PRPF6: variants seen among roughly 807,000 people sequenced by gnomAD.
PRPF6 encodes the protein pre-mRNA-processing factor 6.
Under a neutral mutation model 118.3 loss-of-function variants are expected in PRPF6, and 42 were observed. That is an observed-to-expected ratio of 0.35 (90% CI 0.28 to 0.46). The LOEUF (loss-of-function observed/expected upper bound fraction) is 0.46, where lower values mean the gene tolerates loss of function less well. Ranked by LOEUF, PRPF6 falls within the 20% of genes least tolerant of loss-of-function variation. The probability of loss-of-function intolerance (pLI) is 1.00; values close to 1 mark genes in which losing one functional copy is unlikely to be tolerated. For synonymous variants in PRPF6, 481 were observed against 485.1 expected (o/e 0.99, Z 0.11); for missense variants, 662 against 1,255.7 (o/e 0.53, Z 7.15).
intron 19 of PRPF6, among the ~76,000 whole-genome samples, chr20:64,031,215 C>A (rs375760528): frequency 6.6e-6 from 1 of 152,192 alleles, no homozygotes; most frequent in South Asian, 2.1e-4. Context: ...TGCTGGAGGC[C>A]GGGTGGGGCA....
intron 11 of PRPF6, among the ~76,000 whole-genome samples, chr20:64,013,416 TTTCC>T (rs778170198): frequency 1.1e-4 from 17 of 152,114 alleles, no homozygotes; most frequent in Admixed American, 7.2e-4. Flanking sequence ...TTTGTCTTTC[TTTCC>T]TTCCTTCCTT....
Position 64,027,762 on chromosome 20 carries a change from C to A in PRPF6, c.2339+26C>A. 1 of 1,613,190 alleles carries A rather than the reference C, an allele frequency of 6.2e-7. No individual in the cohort carries two copies. Among genetic ancestry groups the A allele is most frequent in the Non-Finnish European group, 8.5e-7 (1 of 1,179,938 alleles). On this transcript the variant is annotated intron_variant, in intron 17 of 20. Coordinates refer to ENST00000266079, the MANE Select transcript of PRPF6 (RefSeq NM_012469.4). This position sits in a 1 kb window ranked among gnomAD's most constrained non-coding sequence, Gnocchi z 6.5. ...GTGAGTCCTGGAGGGGGCAGCCTGG[C>A]CTCTGGGCACAGCTTCCCCATCAGG... is the stretch of plus-strand genomic sequence containing the variant.
At chr20:63,995,653 C>A (rs1191824712) in intron 6 of PRPF6, among the ~76,000 whole-genome samples, 171 bp downstream of exon 6, 1 of 142,148 alleles carries the variant, frequency 7.0e-6, no homozygotes, top group Admixed American at 7.3e-5. Context: ...CTGAATAATT[C>A]CGCAGATTTT....
chr20:63,985,569 G>T (rs777978155), intron 3 of PRPF6, among the ~76,000 whole-genome samples: 3 of 152,042 alleles, frequency 2.0e-5, no homozygotes, highest in African/African-American at 4.8e-5. Context: ...AGAATTTTGT[G>T]GATTACTTTT....
rs767061350 is a variant in PRPF6, at chr20:64,029,501, G to C, written c.2546+10G>C. The C allele has an allele frequency of 6.2e-7, 1 of 1,612,070 alleles. No homozygotes were observed. Among genetic ancestry groups the C allele is most frequent in the Admixed American group, 1.7e-5 (1 of 60,020 alleles). On this transcript the variant is annotated intron_variant, in intron 19 of 20. Coordinates refer to ENST00000266079, the MANE Select transcript of PRPF6 (RefSeq NM_012469.4). This position sits in a 1 kb window ranked among gnomAD's most constrained non-coding sequence, Gnocchi z 4.8. ...TCCTGGCCGTGGCCAAGTGAGTGGG[G>C]CCCCCACAGGATTGCTGAACCTCGG... is the stretch of plus-strand genomic sequence containing the variant.
At chr20:64,031,587 C>T (rs544924130) in intron 19 of PRPF6, among the ~76,000 whole-genome samples, 3 of 150,884 alleles carry the variant, frequency 2.0e-5, no homozygotes, top group South Asian at 2.1e-4. Flanking sequence ...GCAGGAGAAT[C>T]GCTTGAACCT....
At chr20:64,004,327 G>T (rs143315399) in intron 9 of PRPF6, among the ~76,000 whole-genome samples, 1 of 152,220 alleles carries the variant, frequency 6.6e-6, no homozygotes, top group Non-Finnish European at 1.5e-5. Flanking sequence ...GGCCTTTGCC[G>T]CTGCCCTAAT....
intron 6 of PRPF6, among the ~76,000 whole-genome samples, chr20:63,998,579 C>T (rs1211652117): frequency 2.7e-5 from 4 of 149,996 alleles, no homozygotes; most frequent in African/African-American, 9.8e-5. Context: ...CGGTGGCTCA[C>T]GCCTGTAATC....
intron 9 of PRPF6, among the ~76,000 whole-genome samples, chr20:64,002,215 G>A (rs1457829209): frequency 6.6e-6 from 1 of 151,352 alleles, no homozygotes; most frequent in Non-Finnish European, 1.5e-5. Context: ...TAGAGATGGG[G>A]TTTCACTGTG....
At chr20:63,992,904 A>G (rs1660049385) in intron 3 of PRPF6, among the ~76,000 whole-genome samples, 1 of 151,870 alleles carries the variant, frequency 6.6e-6, no homozygotes, top group South Asian at 2.1e-4. Flanking sequence ...CTAAGAATGT[A>G]TTCATAGTTA....
intron 9 of PRPF6, among the ~76,000 whole-genome samples, chr20:64,002,493 G>C (rs955795367): frequency 6.6e-6 from 1 of 151,438 alleles, no homozygotes; most frequent in African/African-American, 2.4e-5. Flanking sequence ...GCGCCTCCAT[G>C]CCTGGCCAAT....
intron 11 of PRPF6, among the ~76,000 whole-genome samples, chr20:64,015,304 C>T (rs2059232043): frequency 6.6e-6 from 1 of 152,212 alleles, no homozygotes; most frequent in Non-Finnish European, 1.5e-5. Context: ...ACCTTTGCCG[C>T]AGGCCCCTGA....
chr20:63,999,842 T>G, intron 8 of PRPF6, 83 bp downstream of exon 8: 3 of 1,523,242 alleles, frequency 2.0e-6, no homozygotes, highest in Non-Finnish European at 1.8e-6. Context: ...AGCAAATCTC[T>G]TTGTCTTTTG....
At position 64,032,953 on chromosome 20, in the gene PRPF6, TC is replaced by T; in HGVS notation, c.2788del (p.Arg931GlyfsTer13). On this transcript the variant is annotated frameshift_variant, in exon 21 of 21. Coordinates refer to ENST00000266079, the MANE Select transcript of PRPF6 (RefSeq NM_012469.4). LOFTEE classifies it high-confidence loss of function. ...AACTGGCAGAAGAAGATCGGGGACATCCTTAGGCTGGTGGCCGGCCGCATCA... is the reference window on the plus strand; with the variant it reads ...AACTGGCAGAAGAAGATCGGGGACATCTTAGGCTGGTGGCCGGCCGCATCA... ...IANWQKKIGDILRLVAGRIKN... is the reference protein window; with the variant it reads ...IANWQKKIGDXLRLVAGRIKN... 1 of 1,613,422 alleles carries T rather than the reference TC, an allele frequency of 6.2e-7. No individual in the cohort carries two copies. Among genetic ancestry groups the T allele is most frequent in the Non-Finnish European group, 8.5e-7 (1 of 1,180,018 alleles).
chr20:64,011,307 T>C lies in PRPF6; in HGVS notation c.1328T>C (p.Leu443Pro). Residue 443 changes from leucine to proline, a missense_variant, in exon 11 of 21, where the codon CTG becomes CCG. By Grantham distance (98) the Leu-to-Pro change is moderately conservative (BLOSUM62 -3). Transcript: ENST00000266079. This position sits in a 1 kb window ranked among gnomAD's most constrained non-coding sequence, Gnocchi z 6.7. ...TAGCTCTGGCTTGCTCTGGCAAGGC[T>C]GGAGACCTATGAAAATGCCCGCAAG... ...SVELWLALAR[L>P]ETYENARKVL... The C allele has an allele frequency of 6.2e-7, 1 of 1,614,186 alleles. No individual in the cohort carries two copies. Among genetic ancestry groups the C allele is most frequent in the Non-Finnish European group, 8.5e-7 (1 of 1,180,030 alleles).
intron 9 of PRPF6, among the ~76,000 whole-genome samples, chr20:64,008,053 A>G (rs960211142): frequency 3.9e-5 from 6 of 152,236 alleles, no homozygotes; most frequent in Non-Finnish European, 8.8e-5. Flanking sequence ...CTGGGATTAC[A>G]GGCGTGAGCT....
At chr20:64,000,549 C>G (rs1021577436) in intron 8 of PRPF6, among the ~76,000 whole-genome samples, 4 of 150,384 alleles carry the variant, frequency 2.7e-5, no homozygotes, top group Non-Finnish European at 5.9e-5. Flanking sequence ...AAATCATGCT[C>G]TTTTCACAAA....
At chr20:64,031,141 T>C (rs921677066) in intron 19 of PRPF6, among the ~76,000 whole-genome samples, 1 of 152,230 alleles carries the variant, frequency 6.6e-6, no homozygotes, top group African/African-American at 2.4e-5. Flanking sequence ...CTGAGGGCTG[T>C]GGGCTGCAGG....
Position 64,015,237 on chromosome 20 carries a change from A to G in PRPF6, c.1525-1486A>G, listed in dbSNP as rs149472735. 1.1e-4 allele frequency among the ~76,000 whole-genome samples: 16 copies of G among 152,318 alleles called. No individual in the cohort carries two copies. In the East Asian group the frequency reaches 2.9e-3, roughly 28 times the overall value. On this transcript the variant is annotated intron_variant, in intron 11 of 20. Coordinates refer to ENST00000266079, the MANE Select transcript of PRPF6 (RefSeq NM_012469.4). Reference sequence around the variant, plus strand: ...TGCATTCAGTAGAAACTGTCCATGGAGGAAGAGCCAGCGCAGTTTGCGTTC... The same window carrying G: ...TGCATTCAGTAGAAACTGTCCATGGGGGAAGAGCCAGCGCAGTTTGCGTTC...
Sources: allele counts gnomAD v4.1 joint callset (sites outside exome capture counted in the v4.1 genomes callset), GRCh38; gene constraint gnomAD v4.1.1; non-coding constraint Gnocchi (gnomAD v3.1); transcripts MANE v1.5; gene names NCBI Gene and HGNC (gene_info 2026-07-23, HGNC 2026-07-21).